The following FRMD4B variants were observed in gnomAD, a reference collection of about 807,000 sequenced individuals.
FRMD4B encodes the protein FERM domain-containing protein 4B.
Under a neutral mutation model 141.5 loss-of-function variants are expected in FRMD4B, and 74 were observed. The ratio of observed to expected loss-of-function variants is 0.52; its 90% CI spans 0.43 to 0.63. The LOEUF is 0.63. Among genes scored for constraint, FRMD4B ranks in the 30% least tolerant of loss-of-function variants. The pLI is 0.00. For missense variants in FRMD4B, 1,366 were observed against 1,253.4 expected (o/e 1.09, Z -1.36); for synonymous variants, 506 against 467.9 (o/e 1.08, Z -1.05).
intron 7 of FRMD4B, among the ~76,000 whole-genome samples, chr3:69,237,024 G>A (rs1000198476): frequency 5.9e-5 from 9 of 152,166 alleles, no homozygotes; most frequent in Admixed American, 4.6e-4. Context: ...GGGTAAGCGA[G>A]GTGAATTCAT....
At position 69,176,504 on chromosome 3, in the gene FRMD4B, T is replaced by C; in HGVS notation, c.2984+20A>G. ...TGAACTGGAACAGGCTCCTAGGATTTTCGAGCATTGCTTCCTCACCTGCTT... is the reference window on the plus strand; with the variant it reads ...TGAACTGGAACAGGCTCCTAGGATTCTCGAGCATTGCTTCCTCACCTGCTT... On this transcript the variant is annotated intron_variant, in intron 22 of 22. Transcript: ENST00000398540. 6.2e-7 allele frequency: 1 copy of C among 1,601,526 alleles called. No individual in the cohort carries two copies. Among genetic ancestry groups the C allele is most frequent in the Non-Finnish European group, 8.5e-7 (1 of 1,169,748 alleles).
intron 1 of FRMD4B, among the ~76,000 whole-genome samples, chr3:69,355,421 C>T (rs9825845): frequency 6.6e-6 from 1 of 151,664 alleles, no homozygotes; most frequent in Non-Finnish European, 1.5e-5. Flanking sequence ...TTGACAGAAC[C>T]TTCTATTTGT....
At chr3:69,340,455 C>G (rs1000545922) in intron 1 of FRMD4B, among the ~76,000 whole-genome samples, 1 of 152,124 alleles carries the variant, frequency 6.6e-6, no homozygotes. Flanking sequence ...TAATGGCCAC[C>G]AGCTCCATTG....
At chr3:69,287,893 CTCAT>C (rs1700743704) in intron 4 of FRMD4B, 57 bp from the exon 5 acceptor site, 3 of 769,244 alleles carry the variant, frequency 3.9e-6, no homozygotes, top group Non-Finnish European at 6.5e-6. Context: ...CTCAGCATTC[CTCAT>C]TCAGTGTTCC....
At chr3:69,237,833 T>C (rs1263075078) in intron 7 of FRMD4B, among the ~76,000 whole-genome samples, 1 of 152,138 alleles carries the variant, frequency 6.6e-6, no homozygotes, top group African/African-American at 2.4e-5. Context: ...TGGGTTCAAG[T>C]GATTCTCCTG....
intron 1 of FRMD4B, among the ~76,000 whole-genome samples, chr3:69,496,814 T>C (rs928158041): frequency 3.3e-5 from 5 of 152,196 alleles, no homozygotes; most frequent in African/African-American, 7.2e-5. Flanking sequence ...TCACTTTCAA[T>C]TAATTAATAC....
At chr3:69,184,773 C>T (rs1329461997) in intron 19 of FRMD4B, among the ~76,000 whole-genome samples, 3 of 152,146 alleles carry the variant, frequency 2.0e-5, no homozygotes, top group East Asian at 1.9e-4. Context: ...AAAAATGTTC[C>T]GGGTCTGTTC....
At chr3:69,263,816 C>CCT (rs1559761641) in intron 5 of FRMD4B, among the ~76,000 whole-genome samples, 2 of 108,612 alleles carry the variant, frequency 1.8e-5, no homozygotes, top group Non-Finnish European at 3.7e-5. Context: ...CAACCCCATT[C>CCT]CTTTTTTTTT....
At chr3:69,247,222 A>G (rs1332028034) in intron 7 of FRMD4B, among the ~76,000 whole-genome samples, 1 of 152,118 alleles carries the variant, frequency 6.6e-6, no homozygotes, top group Non-Finnish European at 1.5e-5. Flanking sequence ...TTTTATGGGA[A>G]AGGTACCATT....
At chr3:69,455,795 TAATA>T (rs1326501221) in intron 1 of FRMD4B, among the ~76,000 whole-genome samples, 4 of 152,184 alleles carry the variant, frequency 2.6e-5, no homozygotes, top group Non-Finnish European at 4.4e-5. Flanking sequence ...TTAACTGTGT[TAATA>T]AATTTTTAAA....
intron 10 of FRMD4B, among the ~76,000 whole-genome samples, chr3:69,217,999 G>T (rs761710202): frequency 9.9e-5 from 15 of 152,148 alleles, no homozygotes; most frequent in Non-Finnish European, 2.1e-4. Flanking sequence ...TTATGAAGCT[G>T]TTGAAATAAC....
intron 17 of FRMD4B, among the ~76,000 whole-genome samples, chr3:69,190,932 G>T (rs984865867): frequency 1.3e-5 from 2 of 152,156 alleles, no homozygotes; most frequent in Non-Finnish European, 2.9e-5. Context: ...CCCACAATGG[G>T]GATAACAACA....
intron 3 of FRMD4B, among the ~76,000 whole-genome samples, chr3:69,302,685 A>G (rs1701255635): frequency 6.6e-6 from 1 of 152,208 alleles, no homozygotes; most frequent in Non-Finnish European, 1.5e-5. Flanking sequence ...AATAATTTGT[A>G]TATGAAATCA....
At chr3:69,460,467 T>C (rs1482186364) in intron 1 of FRMD4B, among the ~76,000 whole-genome samples, 1 of 152,218 alleles carries the variant, frequency 6.6e-6, no homozygotes, top group Non-Finnish European at 1.5e-5. Flanking sequence ...TTTGGGGCTC[T>C]TGGATTACCG....
chr3:69,391,319 T>C (rs961056729), intron 2 of FRMD4B, among the ~76,000 whole-genome samples: 3 of 152,042 alleles, frequency 2.0e-5, no homozygotes, highest in African/African-American at 7.2e-5. Flanking sequence ...TACATATGTA[T>C]ACATGTGCCA....
At chr3:69,249,186 G>C (rs761781673) in intron 7 of FRMD4B, 40 bp downstream of exon 7, 6 of 1,293,682 alleles carry the variant, frequency 4.6e-6, no homozygotes, top group Non-Finnish European at 5.5e-6. Context: ...GATTCTTTAG[G>C]GTTATTTTGC....
At chr3:69,387,091 T>C (rs538421396), upstream of FRMD4B, among the ~76,000 whole-genome samples, 32 of 152,256 alleles carry the variant, frequency 2.1e-4, no homozygotes, top group African/African-American at 7.7e-4. Flanking sequence ...GTTGGAAACA[T>C]TTGGAAAAGG....
intron 11 of FRMD4B, among the ~76,000 whole-genome samples, chr3:69,203,728 T>C (rs549007352): frequency 6.6e-6 from 1 of 152,252 alleles, no homozygotes; most frequent in Admixed American, 6.5e-5. Context: ...GAAACTATGT[T>C]TGTGAAGCAC....
intron 1 of FRMD4B, among the ~76,000 whole-genome samples, chr3:69,466,706 C>T (rs981299892): frequency 6.6e-6 from 1 of 151,984 alleles, no homozygotes; most frequent in Non-Finnish European, 1.5e-5. Flanking sequence ...CTTTTCTTTT[C>T]TTTTATTTTT....
Sources: allele counts gnomAD v4.1 joint callset (sites outside exome capture counted in the v4.1 genomes callset), GRCh38; gene constraint gnomAD v4.1.1; transcripts MANE v1.5; gene names NCBI Gene and HGNC (gene_info 2026-07-23, HGNC 2026-07-21).